Variants in ABCC1 observed in about 807,000 individuals in gnomAD.
ABCC1 encodes multidrug resistance-associated protein 1.
Under a neutral mutation model 172.9 loss-of-function variants are expected in ABCC1, and 83 were observed. The observed-to-expected ratio is 0.48, with a 90% CI of 0.40 to 0.58. The LOEUF (loss-of-function observed/expected upper bound fraction) is 0.58. ABCC1 is among the 20% of genes least tolerant of loss of function. The pLI is 0.00. For missense variants in ABCC1, 1,817 were observed against 2,002.7 expected, an observed-to-expected ratio of 0.91 and a Z score of 1.77; for synonymous variants, 937 against 825.2, an observed-to-expected ratio of 1.14 and a Z score of -2.32.
intron 1 of ABCC1, among the ~76,000 whole-genome samples, chr16:15,963,034 T>C (rs1597055848): frequency 6.6e-6 from 1 of 152,244 alleles, no homozygotes; most frequent in East Asian, 1.9e-4. Flanking sequence ...AGTTAGTTAG[T>C]TCCTAGATAC....
At chr16:15,980,233 G>A (rs1389380934) in intron 1 of ABCC1, among the ~76,000 whole-genome samples, 3 of 152,086 alleles carry the variant, frequency 2.0e-5, no homozygotes, top group African/African-American at 7.2e-5. Context: ...GGCCAGGCAT[G>A]GTGGCTTCTG....
intron 1 of ABCC1, among the ~76,000 whole-genome samples, chr16:15,976,302 C>A (rs552176975): frequency 6.6e-6 from 1 of 152,238 alleles, no homozygotes; most frequent in South Asian, 2.1e-4. Flanking sequence ...AAAGGCGGAT[C>A]GTTAAGGCTT....
intron 19 of ABCC1, among the ~76,000 whole-genome samples, chr16:16,102,147 G>A (rs2051784137): frequency 6.6e-6 from 1 of 152,140 alleles, no homozygotes; most frequent in African/African-American, 2.4e-5. Context: ...GCACTACAGG[G>A]GTCTCCGGGC....
chr16:15,952,557 G>A (rs1392473938), intron 1 of ABCC1, among the ~76,000 whole-genome samples: 1 of 151,978 alleles, frequency 6.6e-6, no homozygotes, highest in African/African-American at 2.4e-5. Flanking sequence ...GAGAAAAGGA[G>A]AACTTTGCTA....
chr16:16,048,365 G>A, intron 10 of ABCC1, 62 bp downstream of exon 10: 1 of 1,588,916 alleles, frequency 6.3e-7, no homozygotes, highest in Non-Finnish European at 8.6e-7. Context: ...TGGGCAGTGG[G>A]CCGAGGGAGT....
rs778998171 is a variant in ABCC1 at position 15,993,605 on chromosome 16, G to A, written c.49-14211G>A. On this transcript the variant is annotated intron_variant, in intron 1 of 30. Coordinates refer to ENST00000399410, the MANE Select transcript of ABCC1 (RefSeq NM_004996.4). Reference sequence around the variant, plus strand: ...TCTTACAATGCACAGGATGGCCCCCGACAACCAAGAATTATTTGGGCTCAA... The same window carrying A: ...TCTTACAATGCACAGGATGGCCCCCAACAACCAAGAATTATTTGGGCTCAA... Among the ~76,000 whole-genome samples the A allele has an allele frequency of 7.5e-4, 114 of 152,122 alleles. 1 individual carries two copies. Among genetic ancestry groups the A allele is most frequent in the Non-Finnish European group, 1.5e-3 (100 of 68,042 alleles).
Position 16,142,126 on chromosome 16 carries a change from C to A in ABCC1, c.*845C>A, listed in dbSNP as rs1294978775. On this transcript the variant is annotated 3_prime_UTR_variant, in exon 31 of 31. Transcript: ENST00000399410. Reference sequence around the variant, plus strand: ...TTTCTTTTGTTCAACATTGTAAGAACAATCAATGCTGTTATTACTGTTCCC... The same window carrying A: ...TTTCTTTTGTTCAACATTGTAAGAAAAATCAATGCTGTTATTACTGTTCCC... 1 of 134,536 alleles carries A rather than the reference C, an allele frequency of 7.4e-6. No individual in the cohort carries two copies. The highest frequency in any genetic ancestry group is 1.6e-5 in the Non-Finnish European group (1 of 63,624). 8.3% of individuals were successfully genotyped at this position (134,536 alleles called of 1,614,324 possible). A position where few individuals can be genotyped will look rare whatever the true frequency, so the allele number is the denominator to read the frequency against.
Position 16,045,818 on chromosome 16 carries a change from C to T in ABCC1, c.1041-18C>T, listed in dbSNP as rs768442037. 1.7e-5 allele frequency: 28 copies of T among 1,612,912 alleles called. No individual in the cohort carries two copies. The highest frequency in any genetic ancestry group is 2.3e-5 in the Non-Finnish European group (27 of 1,179,244). ...CGTGTCACAAGTCATTCCAGGCCCT[C>T]TCTTTGCTCCTTTGCAGGTTGCTCA... On this transcript the variant is annotated intron_variant, in intron 8 of 30. Transcript: ENST00000399410.
At chr16:16,035,985 A>G (rs1474246326) in intron 6 of ABCC1, among the ~76,000 whole-genome samples, 1 of 151,936 alleles carries the variant, frequency 6.6e-6, no homozygotes, top group Non-Finnish European at 1.5e-5. Context: ...TTAGCCAGTC[A>G]TAATGGCTTA....
At chr16:16,010,027 T>A in intron 3 of ABCC1, 126 bp downstream of exon 3, 1 of 497,492 alleles carries the variant, frequency 2.0e-6, no homozygotes, top group Non-Finnish European at 3.0e-6. Flanking sequence ...GGATATAAAT[T>A]AAATGTAGCC....
rs554767078 is a variant in ABCC1 at position 16,134,272 on chromosome 16, C to T, written c.3967-78C>T. ...AGATGACTGATGCCTGAGGTGGGGC[C>T]GAGATGAGGGCACTTTGGGGCAGGG... On this transcript the variant is annotated intron_variant, in intron 27 of 30. Coordinates refer to ENST00000399410, the MANE Select transcript of ABCC1 (RefSeq NM_004996.4). 5.5e-5 allele frequency: 87 copies of T among 1,573,194 alleles called. No homozygotes were observed. The African/African-American group carries it at 7.9e-4, about 14-fold the overall frequency.
chr16:16,113,688 G>T (rs934803584), intron 22 of ABCC1, among the ~76,000 whole-genome samples: 2 of 152,060 alleles, frequency 1.3e-5, no homozygotes, highest in African/African-American at 4.8e-5. Context: ...AGATTTATTC[G>T]ATTAGACTAG....
At position 15,951,171 on chromosome 16, in the gene ABCC1, A is replaced by G. The variant is rs572210311; in HGVS notation, c.48+1372A>G. On this transcript the variant is annotated intron_variant, in intron 1 of 30. Transcript: ENST00000399410. ...GCAAGATTATTTTTTGCAAAGATTC[A>G]CATGGTGATCTGGGTTTGTGTTGCT... is the stretch of plus-strand genomic sequence containing the variant. Among the ~76,000 whole-genome samples, 234 of 152,242 alleles carry G rather than the reference A, an allele frequency of 1.5e-3. 4 individuals carry two copies. The highest frequency in any genetic ancestry group is 5.3e-3 in the African/African-American group (222 of 41,530).
intron 26 of ABCC1, among the ~76,000 whole-genome samples, chr16:16,128,764 C>T (rs2045551899): frequency 6.6e-6 from 1 of 152,086 alleles, no homozygotes; most frequent in South Asian, 2.1e-4. Context: ...TTTGAGAGGC[C>T]AAGGTGGGTG....
At chr16:16,139,348 A>T (rs1010568494) in intron 30 of ABCC1, among the ~76,000 whole-genome samples, 1 of 152,074 alleles carries the variant, frequency 6.6e-6, no homozygotes, top group Non-Finnish European at 1.5e-5. Flanking sequence ...GCGGTGGCTC[A>T]CGGCTGTAAT....
chr16:16,028,485 C>G (rs1315932032), intron 5 of ABCC1, among the ~76,000 whole-genome samples: 3 of 152,108 alleles, frequency 2.0e-5, no homozygotes, highest in Non-Finnish European at 2.9e-5. Flanking sequence ...CAGCCAGCAC[C>G]TTGGTCTTTC....
Position 16,083,461 on chromosome 16 carries a change from C to T in ABCC1, c.2211C>T (p.Tyr737=). ...GATGTCAGCTGGAGGAACCATATTA[C>T]AGGTCCGTGATACAGGCCTGTGCCC... is the stretch of plus-strand genomic sequence containing the variant. ...LFGCQLEEPY[Y]RSVIQACALL... The change falls in exon 17 of 31, where the codon TAC becomes TAT. Residue 737 remains tyrosine, a synonymous_variant. Coordinates refer to ENST00000399410, the MANE Select transcript of ABCC1 (RefSeq NM_004996.4). 1 of 1,613,994 alleles carries T rather than the reference C, an allele frequency of 6.2e-7. No homozygotes were observed. Among genetic ancestry groups the T allele is most frequent in the Non-Finnish European group, 8.5e-7 (1 of 1,180,046 alleles).
At chr16:16,034,681 G>A (rs769394894) in intron 6 of ABCC1, among the ~76,000 whole-genome samples, 1 of 145,430 alleles carries the variant, frequency 6.9e-6, no homozygotes, top group African/African-American at 2.6e-5. Flanking sequence ...TCTGCTTCCT[G>A]GGTTCAAGAG....
intron 26 of ABCC1, among the ~76,000 whole-genome samples, chr16:16,126,294 C>T (rs1449879583): frequency 1.3e-5 from 2 of 152,206 alleles, no homozygotes; most frequent in Non-Finnish European, 2.9e-5. Flanking sequence ...GATCTCCCTT[C>T]AACAGACAGA....
Sources: gnomAD v4.1 joint callset for allele counts (sites outside exome capture counted in the v4.1 genomes callset) on GRCh38, gnomAD v4.1.1 for gene constraint, MANE v1.5 for transcripts, NCBI Gene and HGNC (gene_info 2026-07-23, HGNC 2026-07-21) for gene names.